The following SHROOM3 variants were observed in gnomAD, a reference collection of about 807,000 sequenced individuals.
SHROOM3 encodes the protein protein Shroom3.
SHROOM3 carries 47 observed loss-of-function variants against 138.6 expected under a neutral mutation model. That is an observed-to-expected ratio of 0.34 (90% CI 0.27 to 0.43). SHROOM3 has a LOEUF of 0.43. Ranked by LOEUF, SHROOM3 falls within the 20% of genes least tolerant of loss-of-function variation. The probability of loss-of-function intolerance (pLI) is 1.00; values close to 1 mark genes in which losing one functional copy is unlikely to be tolerated. For missense variants in SHROOM3, 2,491 were observed against 2,596.5 expected (o/e 0.96, Z 0.88); for synonymous variants, 1,062 against 1,063.3 (o/e 1.00, Z 0.02).
At chr4:76,610,040 G>A (rs1445450265) in intron 2 of SHROOM3, among the ~76,000 whole-genome samples, 2 of 152,186 alleles carry the variant, frequency 1.3e-5, no homozygotes, top group Non-Finnish European at 2.9e-5. Context: ...TTTCTGCAAG[G>A]AAAATGGATT....
chr4:76,722,110 G>T (rs964415695), intron 3 of SHROOM3, among the ~76,000 whole-genome samples: 1 of 151,972 alleles, frequency 6.6e-6, no homozygotes, highest in Non-Finnish European at 1.5e-5. Flanking sequence ...CTCCAGCTTG[G>T]GTGACAGAGT....
At chr4:76,726,917 G>A (rs1720720926) in intron 3 of SHROOM3, among the ~76,000 whole-genome samples, 1 of 152,130 alleles carries the variant, frequency 6.6e-6, no homozygotes, top group African/African-American at 2.4e-5. Context: ...AATCTTCTCG[G>A]CATCTAGCTA....
At chr4:76,553,146 TTTTTGTTTTG>T (rs1054856916) in intron 1 of SHROOM3, among the ~76,000 whole-genome samples, 40 of 151,524 alleles carry the variant, frequency 2.6e-4, no homozygotes, top group Admixed American at 5.2e-4. Context: ...GTGCAGGACA[TTTTTGTTTTG>T]TTTTGTTTTG....
intron 2 of SHROOM3, among the ~76,000 whole-genome samples, chr4:76,707,302 G>A (rs1195021045): frequency 6.6e-6 from 1 of 152,180 alleles, no homozygotes; most frequent in Non-Finnish European, 1.5e-5. Flanking sequence ...AGTCCGAAGG[G>A]AATATGATTC....
Position 76,738,799 on chromosome 4 carries a change from AT to A in SHROOM3, c.627del (p.Leu210Ter). 1 of 1,614,206 alleles carries A rather than the reference AT, an allele frequency of 6.2e-7. No homozygotes were observed. The highest frequency in any genetic ancestry group is 1.1e-5 in the South Asian group (1 of 91,086). The stretch of plus-strand genomic sequence containing the variant: ...GACCTCTCCAACTATGACCATGCTT[AT>A]CTAAGGCGGAGCCCTGACCAGTGCA... ...TSDLSNYDHA[Y>X]LRRSPDQCSS... On this transcript the variant is annotated frameshift_variant, in exon 5 of 11. Coordinates refer to ENST00000296043, the MANE Select transcript of SHROOM3 (RefSeq NM_020859.4). LOFTEE classifies it high-confidence loss of function.
At chr4:76,681,594 G>GGGGGGTGTGT (rs1553936165) in intron 2 of SHROOM3, among the ~76,000 whole-genome samples, 1 of 81,022 alleles carries the variant, frequency 1.2e-5, no homozygotes, top group Non-Finnish European at 2.3e-5. Flanking sequence ...CAGAGTCTAG[G>GGGGGGTGTGT]GTGTGTGTGT....
chr4:76,637,554 G>A (rs1464426768), intron 2 of SHROOM3: 1 of 152,028 alleles, frequency 6.6e-6, no homozygotes, highest in Non-Finnish European at 1.5e-5. Flanking sequence ...ATAATTTTTT[G>A]AGAAGAAGGC....
intron 2 of SHROOM3, among the ~76,000 whole-genome samples, chr4:76,672,593 G>A (rs993027297): frequency 3.3e-5 from 5 of 151,298 alleles, no homozygotes; most frequent in Non-Finnish European, 2.9e-5. Context: ...TTGTTTTTTA[G>A]ACCAAGTCTC....
intron 2 of SHROOM3, among the ~76,000 whole-genome samples, chr4:76,668,976 G>A (rs1718800809): frequency 6.6e-6 from 1 of 152,210 alleles, no homozygotes; most frequent in East Asian, 1.9e-4. Flanking sequence ...TGGCATATGT[G>A]CACAAGCATA....
intron 2 of SHROOM3, among the ~76,000 whole-genome samples, chr4:76,625,600 C>A (rs1414896365): frequency 2.0e-5 from 3 of 152,072 alleles, no homozygotes; most frequent in Non-Finnish European, 4.4e-5. Context: ...GGAAGTGTTT[C>A]TCTCCAGCCT....
chr4:76,461,389 T>C (rs1731139671), intron 1 of SHROOM3, among the ~76,000 whole-genome samples: 1 of 152,230 alleles, frequency 6.6e-6, no homozygotes, highest in East Asian at 1.9e-4. Context: ...AAATCATAGA[T>C]ATTTGGCAAT....
intron 1 of SHROOM3, among the ~76,000 whole-genome samples, chr4:76,459,822 A>G (rs1731105027): frequency 6.6e-6 from 1 of 152,196 alleles, no homozygotes; most frequent in Non-Finnish European, 1.5e-5. Context: ...AGAGTGGCAC[A>G]AAAGAGCTGG....
intron 1 of SHROOM3, among the ~76,000 whole-genome samples, chr4:76,516,849 G>A (rs1451978529): frequency 6.6e-6 from 1 of 152,162 alleles, no homozygotes; most frequent in African/African-American, 2.4e-5. Context: ...TTTACAGGGA[G>A]GTTTGAGAAC....
intron 1 of SHROOM3, among the ~76,000 whole-genome samples, chr4:76,478,402 C>A (rs994424290): frequency 2.0e-5 from 3 of 152,244 alleles, no homozygotes; most frequent in African/African-American, 7.2e-5. Flanking sequence ...CTTCACAAAA[C>A]CACTGTAGCC....
rs1451666987 is a variant in SHROOM3, at chr4:76,749,024, T to G, written c.3761T>G (p.Leu1254Arg). 5 of 1,613,876 alleles carry G rather than the reference T, an allele frequency of 3.1e-6. No homozygotes were observed. The East Asian group carries it at 1.1e-4, about 36-fold the overall frequency. Residue 1254 changes from leucine (L) to arginine (R), a missense_variant, in exon 6 of 11, where the codon CTT (leucine) becomes CGT (arginine). Around this residue, in one of 4 missense-constraint regions of SHROOM3, gnomAD observed 1,733 missense variants for 1,661.6 expected, o/e 1.04. Coordinates refer to ENST00000296043, the MANE Select transcript of SHROOM3 (RefSeq NM_020859.4). ...CCTTTCTTGTGTTTCAAGGATGTGC[T>G]TTTGGGGCAAGACAGTGGCTTTGGT... Reference protein sequence around the residue: ...PATADKRQDVLLGQDSGFGLV... With the variant: ...PATADKRQDVRLGQDSGFGLV...
intron 1 of SHROOM3, among the ~76,000 whole-genome samples, chr4:76,555,393 C>T (rs1733462047): frequency 6.6e-6 from 1 of 152,138 alleles, no homozygotes; most frequent in South Asian, 2.1e-4. Flanking sequence ...TAAGGGCGCC[C>T]TCCCTGGGCA....
Position 76,754,334 on chromosome 4 carries a change from G to A in SHROOM3, c.3851G>A (p.Gly1284Asp), listed in dbSNP as rs755299113. Residue 1284 changes from glycine to aspartate, a missense_variant, in exon 7 of 11, where the codon GGC becomes GAC. Gly to Asp is a moderately conservative substitution (Grantham distance 94, BLOSUM62 -1). Around this residue, in one of 4 missense-constraint regions of SHROOM3, gnomAD observed 1,733 missense variants for 1,661.6 expected, o/e 1.04. Coordinates refer to ENST00000296043, the MANE Select transcript of SHROOM3 (RefSeq NM_020859.4). ...GSRSLSCSERGQEEMLPLFHH... is the reference protein window; with the variant it reads ...GSRSLSCSERDQEEMLPLFHH... ...AGGTCACTCAGTTGTTCAGAAAGAG[G>A]CCAAGAAGAGATGCTGCCGCTCTTC... is the stretch of plus-strand genomic sequence containing the variant. 28 of 1,613,990 alleles carry A rather than the reference G, an allele frequency of 1.7e-5. No individual in the cohort carries two copies. The Admixed American group carries it at 3.8e-4, about 22-fold the overall frequency.
intron 1 of SHROOM3, among the ~76,000 whole-genome samples, chr4:76,451,706 A>G (rs908006890): frequency 5.3e-5 from 8 of 152,230 alleles, no homozygotes; most frequent in African/African-American, 1.9e-4. Context: ...CCTTAAATAA[A>G]ATCTGATACC....
intron 2 of SHROOM3, among the ~76,000 whole-genome samples, chr4:76,621,285 C>T (rs1425297103): frequency 6.6e-6 from 1 of 152,172 alleles, no homozygotes; most frequent in Admixed American, 6.5e-5. Flanking sequence ...TTCCAGAAAC[C>T]CTATCAGGAG....
Sources: allele counts gnomAD v4.1 joint callset (sites outside exome capture counted in the v4.1 genomes callset), GRCh38; gene constraint gnomAD v4.1.1; regional missense constraint gnomAD v4.1.1; transcripts MANE v1.5; gene names NCBI Gene and HGNC (gene_info 2026-07-23, HGNC 2026-07-21).